TPRN: variants seen among roughly 807,000 people sequenced by gnomAD.
TPRN encodes the protein taperin.
Under a neutral mutation model 42.6 loss-of-function variants are expected in TPRN, and 32 were observed. That is an observed-to-expected ratio of 0.75 (90% confidence interval 0.57 to 1.01). The LOEUF (loss-of-function observed/expected upper bound fraction) is 1.01, where lower values mean the gene tolerates loss of function less well. TPRN is among the 50% of genes least tolerant of loss of function. The probability of loss-of-function intolerance (pLI) is 0.00; values close to 1 mark genes in which losing one functional copy is unlikely to be tolerated. For synonymous variants in TPRN, 541 were observed against 445.6 expected, an observed-to-expected ratio of 1.21 and a Z score of -2.70; for missense variants, 1,095 against 957.5, an observed-to-expected ratio of 1.14 and a Z score of -1.90.
chr9:137,193,032 C>A, intron 1 of TPRN: 1 of 347,384 alleles, frequency 2.9e-6, no homozygotes, highest in East Asian at 6.1e-5. Flanking sequence ...GGGCAGAGTG[C>A]CAGCTGGGGG....
rs770543546 is a variant in TPRN, at chr9:137,199,275, G to C, written c.1437C>G (p.Ala479=). 3 of 1,612,442 alleles carry C rather than the reference G, an allele frequency of 1.9e-6. No individual in the cohort carries two copies. Among genetic ancestry groups the C allele is most frequent in the Non-Finnish European group, 2.5e-6 (3 of 1,179,972 alleles). ...CGGGCCTGGCAGGGTGCAGAGGCCT[G>C]GCAGGGTGCGGGAGGTAGGGTAGTT... The part of the protein sequence containing the change: ...AAKLPYLPHP[A]RPLHPARPGC... The change falls in exon 1 of 4, where the codon GCC becomes GCG. Residue 479 remains alanine, a synonymous_variant. Transcript: ENST00000409012.
Position 137,199,270 on chromosome 9 carries a change from G to A in TPRN, c.1442C>T (p.Pro481Leu), listed in dbSNP as rs1412179593. Residue 481 changes from proline to leucine, a missense_variant, in exon 1 of 4, where the codon CCT (proline) becomes CTT (leucine). By Grantham distance (98) the Pro-to-Leu change is moderately conservative (BLOSUM62 -3). Transcript: ENST00000409012. ...KLPYLPHPARPLHPARPGCVA... is the reference protein window; with the variant it reads ...KLPYLPHPARLLHPARPGCVA... ...GCACCCGGGCCTGGCAGGGTGCAGAGGCCTGGCAGGGTGCGGGAGGTAGGG... is the reference window on the plus strand; with the variant it reads ...GCACCCGGGCCTGGCAGGGTGCAGAAGCCTGGCAGGGTGCGGGAGGTAGGG... 1.2e-6 allele frequency: 2 copies of A among 1,612,474 alleles called. No homozygotes were observed. The highest frequency in any genetic ancestry group is 1.7e-6 in the Non-Finnish European group (2 of 1,179,904).
At position 137,200,193 on chromosome 9, in the gene TPRN, G is replaced by A; in HGVS notation, c.519C>T (p.Ala173=). The A allele has an allele frequency of 2.1e-6, 2 of 964,842 alleles. No individual in the cohort carries two copies. Among genetic ancestry groups the A allele is most frequent in the Non-Finnish European group, 2.5e-6 (2 of 815,194 alleles). The allele number at this position is 964,842 out of a possible 1,614,324, so 59.8% of individuals were successfully genotyped here. A position where few individuals can be genotyped will look rare whatever the true frequency, so the allele number is the denominator to read the frequency against. The change falls in exon 1 of 4, where the codon GCC becomes GCT. Residue 173 remains alanine, a synonymous_variant. Coordinates refer to ENST00000409012, the MANE Select transcript of TPRN (RefSeq NM_001128228.3). The surrounding 1 kb of genome is among the most constrained non-coding windows in gnomAD (Gnocchi z 4.3). ...GCCCGGGCGCGGCGGGCGGGCTGGGGGCCGCGGGCGGGGGCCGGGGCGGCG... is the reference window on the plus strand; with the variant it reads ...GCCCGGGCGCGGCGGGCGGGCTGGGAGCCGCGGGCGGGGGCCGGGGCGGCG... ...PPAPPRPPPA[A]PSPPAAPGPR... is the part of the protein sequence containing the mutation.
In TPRN at chr9:137,199,705, T is replaced by A. The variant is rs1277527112; in HGVS notation, c.1007A>T (p.Lys336Met). 6.2e-7 allele frequency: 1 copy of A among 1,610,832 alleles called. No individual in the cohort carries two copies. Among genetic ancestry groups the A allele is most frequent in the Non-Finnish European group, 8.5e-7 (1 of 1,179,294 alleles). Residue 336 changes from lysine (K) to methionine (M), a missense_variant, in exon 1 of 4, where the codon AAG becomes ATG. Lys to Met is a moderately conservative substitution (Grantham distance 95). Coordinates refer to ENST00000409012, the MANE Select transcript of TPRN (RefSeq NM_001128228.3). ...AGGAGGAGCCCCGGAGGCCTTGCTC[T>A]TGGGGATGACCATGAAAGAATTTCG... ...NSRNSFMVIPKSKASGAPPPE... is the reference protein window; with the variant it reads ...NSRNSFMVIPMSKASGAPPPE...
intron 1 of TPRN, chr9:137,194,696 G>C (rs1834681045): frequency 6.6e-6 from 1 of 152,250 alleles, no homozygotes. Context: ...CCTCAGCTGG[G>C]GCCCGGGGCT....
At position 137,199,437 on chromosome 9, in the gene TPRN, A is replaced by G; in HGVS notation, c.1275T>C (p.Ala425=). 6 of 1,610,718 alleles carry G rather than the reference A, an allele frequency of 3.7e-6. No individual in the cohort carries two copies. Among genetic ancestry groups the G allele is most frequent in the Non-Finnish European group, 4.2e-6 (5 of 1,179,106 alleles). The change falls in exon 1 of 4, where the codon GCT becomes GCC. Residue 425 remains alanine (A), a synonymous_variant. Transcript: ENST00000409012. ...CAGCAGGCTCAGCTTCTTCCGAAGCAGCCGGCAGGAAGGGGGGCGGTGAGG... is the reference window on the plus strand; with the variant it reads ...CAGCAGGCTCAGCTTCTTCCGAAGCGGCCGGCAGGAAGGGGGGCGGTGAGG... ...RPSSPPPFLP[A]ASEEAEPAEG...
Position 137,192,274 on chromosome 9 carries a change from C to A in TPRN, c.2058G>T (p.Pro686=), listed in dbSNP as rs757308882. The A allele has an allele frequency of 6.2e-7, 1 of 1,613,036 alleles. No individual in the cohort carries two copies. The highest frequency in any genetic ancestry group is 8.5e-7 in the Non-Finnish European group (1 of 1,180,006). The change falls in exon 3 of 4, where the codon CCG becomes CCT. Residue 686 remains proline (P), a synonymous_variant. Transcript: ENST00000409012. ...LEQAPREAEP[P]PVEAMLTPAS... ...CGCATCTCACCATGGCCTCCACGGG[C>A]GGGGGCTCTGCCTCCCTCGGGGCCT... is the stretch of plus-strand genomic sequence containing the variant.
Position 137,199,335 on chromosome 9 carries a change from A to G in TPRN, c.1377T>C (p.Asp459=), listed in dbSNP as rs780842436. 6.2e-7 allele frequency: 1 copy of G among 1,612,732 alleles called. No homozygotes were observed. The highest frequency in any genetic ancestry group is 1.3e-5 in the African/African-American group (1 of 75,038). Residue 459 remains aspartate (D), a synonymous_variant, in exon 1 of 4, where the codon GAT becomes GAC. Transcript: ENST00000409012. ...GGGGGGCCTCCTCCGAGTCTACCTC[A>G]TCGATGAAGGTGACAGGCAGCCCCG... ...VRPGLPVTFI[D]EVDSEEAPQA...
intron 1 of TPRN, among the ~76,000 whole-genome samples, chr9:137,195,688 C>T (rs1834695192): frequency 6.6e-6 from 1 of 152,142 alleles, no homozygotes; most frequent in Non-Finnish European, 1.5e-5. Flanking sequence ...CACTGACACG[C>T]TCCAGCTGGG....
At chr9:137,198,612 A>G (rs1296132690) in intron 1 of TPRN, among the ~76,000 whole-genome samples, 1 of 152,248 alleles carries the variant, frequency 6.6e-6, no homozygotes, top group Non-Finnish European at 1.5e-5. Flanking sequence ...GCCACCCCTC[A>G]AAGCCAAGCC....
chr9:137,200,453 GC>G lies in TPRN; in HGVS notation c.258del (p.Pro87LeufsTer363). 8.9e-7 allele frequency: 1 copy of G among 1,123,688 alleles called. No homozygotes were observed. The highest frequency in any genetic ancestry group is 2.6e-5 in the South Asian group (1 of 38,034). The allele number at this position is 1,123,688 out of a possible 1,614,324, so 69.6% of individuals were successfully genotyped here. On this transcript the variant is annotated frameshift_variant, in exon 1 of 4. Transcript: ENST00000409012. LOFTEE classifies it high-confidence loss of function. The surrounding 1 kb of genome is among the most constrained non-coding windows in gnomAD (Gnocchi z 4.3). ...GARLLERYRR[V>X]PGVRALRADS... ...TCGGCGCGGAGGGCGCGCACGCCAG[GC>G]ACGCGGCGGTACCGCTCCAGCAGCC...
intron 1 of TPRN, among the ~76,000 whole-genome samples, chr9:137,197,392 G>A (rs553160557): frequency 8.5e-5 from 13 of 152,176 alleles, no homozygotes; most frequent in African/African-American, 2.4e-4. Context: ...GTGAGCCACC[G>A]CGCCCAGCCC....
chr9:137,197,864 G>A (rs1834728657), intron 1 of TPRN, among the ~76,000 whole-genome samples: 1 of 152,238 alleles, frequency 6.6e-6, no homozygotes, highest in Non-Finnish European at 1.5e-5. Context: ...CCTCAGGAGG[G>A]TTAGCACGGA....
chr9:137,200,081 C>T lies in TPRN; in HGVS notation c.631G>A (p.Gly211Ser). 7.1e-7 allele frequency: 1 copy of T among 1,404,482 alleles called. No individual in the cohort carries two copies. Among genetic ancestry groups the T allele is most frequent in the Non-Finnish European group, 9.2e-7 (1 of 1,086,486 alleles). The allele number at this position is 1,404,482 out of a possible 1,614,324, so 87.0% of individuals were successfully genotyped here. Residue 211 changes from glycine (G) to serine (S), a missense_variant, in exon 1 of 4, where the codon GGT becomes AGT. By Grantham distance (56) the Gly-to-Ser change is moderately conservative (BLOSUM62 0). Coordinates refer to ENST00000409012, the MANE Select transcript of TPRN (RefSeq NM_001128228.3). The surrounding 1 kb of genome is among the most constrained non-coding windows in gnomAD (Gnocchi z 4.3). Reference sequence around the variant, plus strand: ...CGGGCGCCCGCGCCGCGGTGCAGACCCCGGGGGTGGACGGTGAAGGAGTTG... The same window carrying T: ...CGGGCGCCCGCGCCGCGGTGCAGACTCCGGGGGTGGACGGTGAAGGAGTTG... ...GSNSFTVHPR[G>S]LHRGAGARLL...
At chr9:137,197,838 GC>G (rs1356870654) in intron 1 of TPRN, among the ~76,000 whole-genome samples, 1 of 152,166 alleles carries the variant, frequency 6.6e-6, no homozygotes, top group Non-Finnish European at 1.5e-5. Context: ...CCAGCCCCAA[GC>G]CCCCACTGGA....
intron 1 of TPRN, chr9:137,193,036 C>A: frequency 2.9e-6 from 1 of 343,500 alleles, no homozygotes; most frequent in Admixed American, 4.5e-5. Context: ...AGAGTGCCAG[C>A]TGGGGGGAAA....
chr9:137,195,383 C>G (rs1195282167), intron 1 of TPRN, among the ~76,000 whole-genome samples: 1 of 152,182 alleles, frequency 6.6e-6, no homozygotes, highest in Non-Finnish European at 1.5e-5. Context: ...CTAGGCGGCA[C>G]CTATGGGAAG....
In TPRN at chr9:137,200,672, C is replaced by T; in HGVS notation, c.40G>A (p.Ala14Thr). ...LGRPGSGPRA[A>T]VPAWKREILE... ...ATCTCACGCTTCCAAGCGGGCACCGCAGCGCGCGGCCCCGAGCCCGGCCGC... is the reference window on the plus strand; with the variant it reads ...ATCTCACGCTTCCAAGCGGGCACCGTAGCGCGCGGCCCCGAGCCCGGCCGC... Residue 14 changes from alanine (A) to threonine (T), a missense_variant, in exon 1 of 4, where the codon GCG becomes ACG. Coordinates refer to ENST00000409012, the MANE Select transcript of TPRN (RefSeq NM_001128228.3). The surrounding 1 kb of genome is among the most constrained non-coding windows in gnomAD (Gnocchi z 4.3). The T allele has an allele frequency of 8.1e-7, 1 of 1,234,170 alleles. No homozygotes were observed. The highest frequency in any genetic ancestry group is 2.1e-5 in the South Asian group (1 of 48,296). 76.5% of individuals were successfully genotyped at this position (1,234,170 alleles called of 1,614,324 possible). A position where few individuals can be genotyped will look rare whatever the true frequency, so the allele number is the denominator to read the frequency against.
In TPRN at chr9:137,200,078, G is replaced by A; in HGVS notation, c.634C>T (p.Leu212=). ...AGGCGGGCGCCCGCGCCGCGGTGCA[G>A]ACCCCGGGGGTGGACGGTGAAGGAG... ...SNSFTVHPRG[L]HRGAGARLLS... The change falls in exon 1 of 4, where the codon CTG becomes TTG. Residue 212 remains leucine (L), a synonymous_variant. Coordinates refer to ENST00000409012, the MANE Select transcript of TPRN (RefSeq NM_001128228.3). The surrounding 1 kb of genome is among the most constrained non-coding windows in gnomAD (Gnocchi z 4.3). The A allele has an allele frequency of 5.0e-6, 7 of 1,403,394 alleles. No homozygotes were observed. Among genetic ancestry groups the A allele is most frequent in the East Asian group, 2.7e-5 (1 of 36,916 alleles). The allele number at this position is 1,403,394 out of a possible 1,614,324, so 86.9% of individuals were successfully genotyped here.
Sources: gnomAD v4.1 joint callset for allele counts (sites outside exome capture counted in the v4.1 genomes callset) on GRCh38, gnomAD v4.1.1 for gene constraint, Gnocchi (gnomAD v3.1) non-coding constraint, MANE v1.5 for transcripts, NCBI Gene and HGNC (gene_info 2026-07-23, HGNC 2026-07-21) for gene names.